Variants in BABAM2 observed in about 807,000 individuals in gnomAD.
BABAM2 encodes BRISC and BRCA1-A complex member 2.
In BABAM2, 31 loss-of-function variants were observed where a neutral mutation model predicts 54.7. That is an observed-to-expected ratio of 0.57 (90% CI 0.43 to 0.77). BABAM2 has a LOEUF of 0.77. Ranked by LOEUF, BABAM2 falls within the 30% of genes least tolerant of loss-of-function variation. BABAM2 has a pLI of 0.00. For synonymous variants in BABAM2, 167 were observed against 162.9 expected (o/e 1.03, Z -0.19); for missense variants, 364 against 455.8 (o/e 0.80, Z 1.83).
chr2:28,107,634 C>T (rs74483161), intron 6 of BABAM2, among the ~76,000 whole-genome samples: 1 of 152,198 alleles, frequency 6.6e-6, no homozygotes, highest in African/African-American at 2.4e-5. Context: ...CCTTGAAAAG[C>T]CTCATGTGAT....
At chr2:27,991,260 A>G (rs1484588905) in intron 4 of BABAM2, among the ~76,000 whole-genome samples, 2 of 152,216 alleles carry the variant, frequency 1.3e-5, no homozygotes, top group Non-Finnish European at 2.9e-5. Flanking sequence ...ACTGGGAACT[A>G]CTGATTGAAT....
intron 10 of BABAM2, among the ~76,000 whole-genome samples, chr2:28,278,034 A>T (rs1173491856): frequency 1.3e-5 from 2 of 152,262 alleles, no homozygotes; most frequent in African/African-American, 2.4e-5. Context: ...AGAACAGTGT[A>T]TTCGTGGGCT....
rs1689174159 is a variant in BABAM2, at chr2:28,312,567, T to A, written c.1088+14076T>A. On this transcript the variant is annotated intron_variant, in intron 11 of 11. Transcript: ENST00000379624. ...CAACTCAGAATTACAAAGCAGGAAG[T>A]TACGTAGTTCTTCTAAAAATCAAAA... is the stretch of plus-strand genomic sequence containing the variant. 2.6e-5 allele frequency among the ~76,000 whole-genome samples: 4 copies of A among 152,190 alleles called. 1 individual carries two copies. The highest frequency in any genetic ancestry group is 1.3e-4 in the Admixed American group (2 of 15,274).
chr2:28,067,364 CT>C (rs1313888955), intron 6 of BABAM2, among the ~76,000 whole-genome samples: 1 of 152,230 alleles, frequency 6.6e-6, no homozygotes, highest in Non-Finnish European at 1.5e-5. Context: ...CTTCTACTTA[CT>C]TACATCAATT....
In BABAM2 at chr2:28,337,377, C is replaced by T. The variant is rs184780220; in HGVS notation, c.1089-1073C>T. On this transcript the variant is annotated intron_variant, in intron 11 of 11. Coordinates refer to ENST00000379624, the MANE Select transcript of BABAM2 (RefSeq NM_199191.3). ...CCATTGGTGCCCTGATGTGGGGTTACCCATGTGTCCGTCTCCTCCACACTG... is the reference window on the plus strand; with the variant it reads ...CCATTGGTGCCCTGATGTGGGGTTATCCATGTGTCCGTCTCCTCCACACTG... 1.5e-4 allele frequency among the ~76,000 whole-genome samples: 23 copies of T among 152,316 alleles called. No individual in the cohort carries two copies. In the East Asian group the frequency reaches 2.7e-3, roughly 18 times the overall value.
At chr2:28,035,398 GC>G (rs1676592711) in intron 5 of BABAM2, among the ~76,000 whole-genome samples, 2 of 152,240 alleles carry the variant, frequency 1.3e-5, no homozygotes, top group Admixed American at 1.3e-4. Context: ...ATGCCAGTCA[GC>G]CATATATAGC....
chr2:28,279,859 T>C (rs2148190124), intron 10 of BABAM2, among the ~76,000 whole-genome samples: 1 of 151,376 alleles, frequency 6.6e-6, no homozygotes, highest in East Asian at 1.9e-4. Flanking sequence ...AGAGATGGGG[T>C]TTCTCCATGT....
chr2:28,027,510 C>G (rs1005545915), intron 5 of BABAM2, among the ~76,000 whole-genome samples: 2 of 152,256 alleles, frequency 1.3e-5, no homozygotes, highest in East Asian at 1.9e-4. Flanking sequence ...AAACTACTTT[C>G]TGTTTCTATC....
intron 2 of BABAM2, among the ~76,000 whole-genome samples, chr2:27,909,376 A>AAG (rs1666415045): frequency 3.9e-5 from 6 of 152,276 alleles, no homozygotes; most frequent in Admixed American, 1.3e-4. Flanking sequence ...TCTTTGGAGA[A>AAG]ATGTCTGTTC....
At chr2:28,019,902 T>C (rs1016419318) in intron 4 of BABAM2, among the ~76,000 whole-genome samples, 1 of 152,190 alleles carries the variant, frequency 6.6e-6, no homozygotes, top group East Asian at 1.9e-4. Context: ...TATGGCCTTA[T>C]AGTATAGTTT....
chr2:27,901,491 A>G (rs1665794587), intron 2 of BABAM2, among the ~76,000 whole-genome samples: 1 of 152,154 alleles, frequency 6.6e-6, no homozygotes, highest in African/African-American at 2.4e-5. Context: ...TTTTTTGTCC[A>G]TGTTCTGAAT....
chr2:28,250,426 A>G (rs1039548335), intron 10 of BABAM2, among the ~76,000 whole-genome samples: 2 of 150,972 alleles, frequency 1.3e-5, no homozygotes, highest in African/African-American at 4.9e-5. Flanking sequence ...AAGATTAATA[A>G]TACCTTCATT....
At chr2:28,177,879 G>A (rs1454812714) in intron 7 of BABAM2, among the ~76,000 whole-genome samples, 2 of 151,920 alleles carry the variant, frequency 1.3e-5, no homozygotes, top group African/African-American at 2.4e-5. Context: ...CTTTAAGTGA[G>A]AAACAGTAAG....
chr2:28,221,562 T>A (rs7604897), intron 7 of BABAM2, among the ~76,000 whole-genome samples: 24,981 of 152,176 alleles, frequency 0.16, 2,144 homozygotes, highest in Non-Finnish European at 0.18. Flanking sequence ...TTTGTCTGAA[T>A]GGAAATAATG....
intron 7 of BABAM2, among the ~76,000 whole-genome samples, chr2:28,227,615 C>T (rs1390218049): frequency 6.6e-6 from 1 of 152,160 alleles, no homozygotes; most frequent in African/African-American, 2.4e-5. Flanking sequence ...TAAGAGCAGA[C>T]CTGTGTTTTC....
intron 10 of BABAM2, among the ~76,000 whole-genome samples, chr2:28,290,986 A>G (rs1008738687): frequency 8.5e-5 from 13 of 152,222 alleles, no homozygotes; most frequent in Admixed American, 6.5e-5. Context: ...ATGGAAGAAA[A>G]AAACCACTTA....
At chr2:28,139,224 A>C (rs1670815048) in intron 7 of BABAM2, among the ~76,000 whole-genome samples, 1 of 148,310 alleles carries the variant, frequency 6.7e-6, no homozygotes, top group African/African-American at 2.5e-5. Flanking sequence ...TGGGAGGCTG[A>C]GGCAGGAGAA....
rs188796464 is a variant in BABAM2 at position 28,204,140 on chromosome 2, A to G, written c.681-33062A>G. Among the ~76,000 whole-genome samples the G allele has an allele frequency of 1.8e-4, 27 of 152,182 alleles. No individual in the cohort carries two copies. In the East Asian group the frequency reaches 5.2e-3, roughly 29 times the overall value. ...TCTTATTTGTTGGAGTTACTTACAT[A>G]TTGTGATACTAATCTTTTATTTGAG... On this transcript the variant is annotated intron_variant, in intron 7 of 11. Transcript: ENST00000379624.
chr2:28,048,768 G>T (rs1677792661), intron 6 of BABAM2, among the ~76,000 whole-genome samples: 1 of 152,182 alleles, frequency 6.6e-6, no homozygotes, highest in Admixed American at 6.5e-5. Flanking sequence ...TTACAGAAAT[G>T]ATCAAAGTGC....
Sources: allele counts gnomAD v4.1 joint callset (sites outside exome capture counted in the v4.1 genomes callset), GRCh38; gene constraint gnomAD v4.1.1; transcripts MANE v1.5; gene names NCBI Gene and HGNC (gene_info 2026-07-23, HGNC 2026-07-21).